Variants in SAMD12 observed in about 807,000 individuals in gnomAD.
The protein encoded by SAMD12 is sterile alpha motif domain-containing protein 12.
In SAMD12, 9 loss-of-function variants were observed where a neutral mutation model predicts 15.0. The observed-to-expected ratio is 0.60, with a 90% CI of 0.36 to 1.05. The LOEUF (loss-of-function observed/expected upper bound fraction) is 1.05, where lower values mean the gene tolerates loss of function less well. SAMD12 is among the 50% of genes least tolerant of loss of function. The pLI is 0.01. For missense variants in SAMD12, 230 were observed against 234.2 expected (o/e 0.98, Z 0.12); for synonymous variants, 86 against 90.1 (o/e 0.96, Z 0.25).
chr8:118,370,505 C>G (rs1474777531), intron 4 of SAMD12, among the ~76,000 whole-genome samples: 2 of 152,110 alleles, frequency 1.3e-5, no homozygotes, highest in Non-Finnish European at 2.9e-5. Flanking sequence ...TGCAGCACTA[C>G]TCACAACAGC....
chr8:118,586,876 C>T (rs1306512288), intron 1 of SAMD12, among the ~76,000 whole-genome samples: 2 of 152,184 alleles, frequency 1.3e-5, no homozygotes, highest in African/African-American at 2.4e-5. Flanking sequence ...CTACTCACTG[C>T]CATTCGGTAC....
rs1468538775 is a variant in SAMD12, at chr8:118,379,031, G to A, written c.*386C>T. On this transcript the variant is annotated 3_prime_UTR_variant, in exon 4 of 4. Coordinates refer to ENST00000314727, the MANE Select transcript of SAMD12 (RefSeq NM_207506.3). ...AAGTGTGTGTGTATAATACATTCAT[G>A]TATAGTAATACATATCTAAAATGTT... 3.0e-6 allele frequency: 3 copies of A among 1,015,608 alleles called. No homozygotes were observed. The highest frequency in any genetic ancestry group is 3.5e-6 in the Non-Finnish European group (3 of 845,248). 62.9% of individuals were successfully genotyped at this position (1,015,608 alleles called of 1,614,324 possible). A position where few individuals can be genotyped will look rare whatever the true frequency, so the allele number is the denominator to read the frequency against.
Position 118,520,793 on chromosome 8 carries a change from AT to A in SAMD12, c.192+59921del, listed in dbSNP as rs370302119. 3.2e-3 allele frequency among the ~76,000 whole-genome samples: 489 copies of A among 152,186 alleles called. 3 individuals are homozygous for A. The highest frequency in any genetic ancestry group is 0.011 in the African/African-American group (466 of 41,542). On this transcript the variant is annotated intron_variant, in intron 2 of 3. Coordinates refer to ENST00000314727, the MANE Select transcript of SAMD12 (RefSeq NM_207506.3). ...CTGTTTCCTATACAAACTTTTTTTC[AT>A]TGATTTAGAAAGGAGAAGAGTAAAA...
downstream of SAMD12, among the ~76,000 whole-genome samples, chr8:118,376,350 G>A (rs1301668912): frequency 1.3e-5 from 2 of 152,056 alleles, no homozygotes; most frequent in African/African-American, 2.4e-5. Context: ...TGGGGCCCTT[G>A]CTTGGTGATC....
At chr8:118,590,221 A>T (rs748398670) in intron 1 of SAMD12, among the ~76,000 whole-genome samples, 1 of 152,220 alleles carries the variant, frequency 6.6e-6, no homozygotes, top group Admixed American at 6.5e-5. Context: ...GCTTTACTCA[A>T]ACATTACAGA....
intron 2 of SAMD12, among the ~76,000 whole-genome samples, chr8:118,498,083 A>T (rs1156663054): frequency 6.6e-6 from 1 of 152,238 alleles, no homozygotes; most frequent in Non-Finnish European, 1.5e-5. Flanking sequence ...AAACAAGGCA[A>T]GGCATGTGTT....
At chr8:118,133,177 C>T in the SAMD12 span, among the ~76,000 whole-genome samples, 7 of 151,040 alleles carry the variant, frequency 4.6e-5, no homozygotes, top group African/African-American at 1.7e-4. Context: ...TCTAGAGTTC[C>T]TTATGAGTTT....
intron 4 of SAMD12, among the ~76,000 whole-genome samples, chr8:118,239,614 G>T (rs1812522222): frequency 6.6e-6 from 1 of 152,104 alleles, no homozygotes; most frequent in African/African-American, 2.4e-5. Context: ...CTGCTCTTAG[G>T]CTAGCCTTGG....
At chr8:118,143,218 T>A in the SAMD12 span, among the ~76,000 whole-genome samples, 28 of 152,300 alleles carry the variant, frequency 1.8e-4, no homozygotes, top group East Asian at 4.4e-3. Flanking sequence ...GCACAGTATA[T>A]CTAAGAGTAT....
At chr8:118,410,018 C>T (rs10283109) in intron 3 of SAMD12, among the ~76,000 whole-genome samples, 52,636 of 151,896 alleles carry the variant, frequency 0.35, 9,817 homozygotes, top group African/African-American at 0.42. Flanking sequence ...AGTTAGCTAG[C>T]AATAATATGA....
chr8:118,503,898 A>T (rs947014866), intron 2 of SAMD12, among the ~76,000 whole-genome samples: 1 of 152,184 alleles, frequency 6.6e-6, no homozygotes, highest in Non-Finnish European at 1.5e-5. Context: ...CTCATTTTAC[A>T]AATCAGCCAT....
At chr8:118,298,059 GGGGTGTGGT>G (rs1563743460) in intron 4 of SAMD12, among the ~76,000 whole-genome samples, 9 of 124,460 alleles carry the variant, frequency 7.2e-5, no homozygotes, top group African/African-American at 2.8e-4. Flanking sequence ...CCCGACAGGT[GGGGTGTGGT>G]CACACCTACC....
chr8:118,166,389 C>A, the SAMD12 span, among the ~76,000 whole-genome samples: 1 of 152,144 alleles, frequency 6.6e-6, no homozygotes, highest in Non-Finnish European at 1.5e-5. Context: ...TCTCAAACCC[C>A]AGATCTCCTG....
intron 4 of SAMD12, chr8:118,284,911 C>T (rs1448780498): frequency 7.2e-6 from 1 of 138,506 alleles, no homozygotes; most frequent in African/African-American, 2.8e-5. Flanking sequence ...CACTGCACCC[C>T]AGCCTGGGTG....
intron 2 of SAMD12, among the ~76,000 whole-genome samples, chr8:118,444,686 C>T (rs1303503106): frequency 1.3e-5 from 2 of 152,050 alleles, no homozygotes; most frequent in Admixed American, 6.6e-5. Context: ...TGAAGCTTTT[C>T]TGCTAAGTAA....
chr8:118,418,482 G>A (rs1439611181), intron 3 of SAMD12, among the ~76,000 whole-genome samples: 8 of 152,286 alleles, frequency 5.3e-5, no homozygotes, highest in East Asian at 3.9e-4. Context: ...TTGGGAGGCC[G>A]AGGCGGGTGG....
Position 118,579,677 on chromosome 8 carries a change from T to C in SAMD12, c.192+1038A>G, listed in dbSNP as rs116294897. The stretch of plus-strand genomic sequence containing the variant: ...TTGTACAACAGTAAGGTGACCTTTT[T>C]CCTTAAGATTTTTCTTAGGTGCTTA... On this transcript the variant is annotated intron_variant, in intron 2 of 3. Transcript: ENST00000314727. Among the ~76,000 whole-genome samples the C allele has an allele frequency of 4.3e-3, 648 of 152,254 alleles. 3 individuals are homozygous for C. Among genetic ancestry groups the C allele is most frequent in the African/African-American group, 0.014 (568 of 41,550 alleles).
intron 1 of SAMD12, among the ~76,000 whole-genome samples, chr8:118,609,095 A>G (rs1007611298): frequency 6.6e-6 from 1 of 152,248 alleles, no homozygotes; most frequent in African/African-American, 2.4e-5. Context: ...CAAAGTATGT[A>G]TACATACATT....
intron 2 of SAMD12, among the ~76,000 whole-genome samples, chr8:118,524,527 G>A (rs780924199): frequency 2.0e-4 from 31 of 151,992 alleles, no homozygotes; most frequent in Non-Finnish European, 3.4e-4. Context: ...CAGTCTCCAG[G>A]CTTTAAATAC....
Sources: allele counts gnomAD v4.1 joint callset (sites outside exome capture counted in the v4.1 genomes callset), GRCh38; gene constraint gnomAD v4.1.1; transcripts MANE v1.5; gene names NCBI Gene and HGNC (gene_info 2026-07-23, HGNC 2026-07-21).